Variants in FSTL4 observed in about 807,000 individuals in gnomAD.
FSTL4 encodes follistatin like 4.
In FSTL4, 28 loss-of-function variants were observed where a neutral mutation model predicts 78.2. The ratio of observed to expected loss-of-function variants is 0.36; its 90% CI spans 0.27 to 0.49. FSTL4 has a LOEUF of 0.49. FSTL4 is among the 20% of genes least tolerant of loss of function. The pLI is 0.98. For synonymous variants in FSTL4, 422 were observed against 440.5 expected (o/e 0.96, Z 0.53); for missense variants, 922 against 1,084.9 (o/e 0.85, Z 2.11).
chr5:133,240,534 C>A (rs1027870750), intron 7 of FSTL4, among the ~76,000 whole-genome samples: 10 of 152,126 alleles, frequency 6.6e-5, no homozygotes, highest in Non-Finnish European at 1.0e-4. Context: ...TGAGAGAAGC[C>A]ACTGTGGGGA....
chr5:133,251,160 C>G (rs1259899757), intron 6 of FSTL4, among the ~76,000 whole-genome samples: 2 of 152,220 alleles, frequency 1.3e-5, no homozygotes, highest in Non-Finnish European at 2.9e-5. Flanking sequence ...AGAGAAGGCA[C>G]TAACTCTGTA....
At position 133,517,191 on chromosome 5, in the gene FSTL4, G is replaced by A. The variant is rs143494051; in HGVS notation, c.160+49995C>T. Among the ~76,000 whole-genome samples the A allele has an allele frequency of 4.1e-3, 619 of 151,726 alleles. 4 individuals carry two copies. Among genetic ancestry groups the A allele is most frequent in the African/African-American group, 0.015 (601 of 41,344 alleles). ...TAATCCCAGCACTTTGGGAGGCCAAGGTGGGTGGATCACCTGAGGTCAGGA... is the reference window on the plus strand; with the variant it reads ...TAATCCCAGCACTTTGGGAGGCCAAAGTGGGTGGATCACCTGAGGTCAGGA... On this transcript the variant is annotated intron_variant, in intron 3 of 15. Transcript: ENST00000265342.
chr5:133,799,842 A>G, the FSTL4 span, among the ~76,000 whole-genome samples: 3 of 139,366 alleles, frequency 2.2e-5, 1 homozygote, highest in Non-Finnish European at 3.2e-5. Flanking sequence ...CACAAAAAAC[A>G]TAACAAGGCC....
chr5:133,774,982 C>CA, the FSTL4 span, among the ~76,000 whole-genome samples: 14,645 of 106,724 alleles, frequency 0.14, 1,131 homozygotes, highest in African/African-American at 0.24. Flanking sequence ...TCTAAAATGA[C>CA]AAAAAAAAAA....
chr5:133,779,582 T>C, the FSTL4 span, among the ~76,000 whole-genome samples: 1 of 149,284 alleles, frequency 6.7e-6, no homozygotes, highest in Non-Finnish European at 1.5e-5. Context: ...CAAAACTCCA[T>C]CTCAAAAAAC....
At chr5:133,452,085 T>A (rs541871900) in intron 3 of FSTL4, among the ~76,000 whole-genome samples, 32 of 152,220 alleles carry the variant, frequency 2.1e-4, no homozygotes, top group Middle Eastern at 6.8e-3. Context: ...TGCCGTGGAG[T>A]TCCACACAGC....
In FSTL4 at chr5:133,426,547, C is replaced by T. The variant is rs923119104; in HGVS notation, c.161-25561G>A. On this transcript the variant is annotated intron_variant, in intron 3 of 15. Coordinates refer to ENST00000265342, the MANE Select transcript of FSTL4 (RefSeq NM_015082.2). This position sits in a 1 kb window ranked among gnomAD's most constrained non-coding sequence, Gnocchi z 5.0. ...CGGAGCTCTCATGGCCAATTAGCAG[C>T]AGAGGAAACTGAACTGTACCGTGGG... 2.0e-5 allele frequency among the ~76,000 whole-genome samples: 3 copies of T among 152,146 alleles called. No homozygotes were observed. The highest frequency in any genetic ancestry group is 4.4e-5 in the Non-Finnish European group (3 of 68,020).
chr5:133,769,115 A>G, the FSTL4 span, among the ~76,000 whole-genome samples: 3 of 152,338 alleles, frequency 2.0e-5, no homozygotes, highest in African/African-American at 4.8e-5. Flanking sequence ...AGAGAACCAC[A>G]TGTACCTAAA....
intron 2 of FSTL4, 125 bp downstream of exon 2, chr5:133,603,733 G>A (rs2112979645): frequency 1.8e-6 from 2 of 1,112,598 alleles, no homozygotes; most frequent in East Asian, 2.4e-5. Flanking sequence ...CACCAAAAAG[G>A]AAGTGCAATT....
intron 2 of FSTL4, among the ~76,000 whole-genome samples, chr5:133,580,174 T>C (rs1760370103): frequency 6.6e-6 from 1 of 152,182 alleles, no homozygotes; most frequent in South Asian, 2.1e-4. Context: ...TCTGTCCTCC[T>C]GAGCATCTCC....
At chr5:133,452,390 A>G (rs897862954) in intron 3 of FSTL4, among the ~76,000 whole-genome samples, 5 of 152,278 alleles carry the variant, frequency 3.3e-5, no homozygotes, top group African/African-American at 1.2e-4. Flanking sequence ...GAGGAAAACA[A>G]TGCAGGAATT....
At chr5:133,340,300 A>C (rs932706840) in intron 4 of FSTL4, among the ~76,000 whole-genome samples, 2 of 152,028 alleles carry the variant, frequency 1.3e-5, no homozygotes, top group African/African-American at 4.8e-5. Context: ...TAGTGGTCAG[A>C]TTTTCATCCC....
intron 3 of FSTL4, among the ~76,000 whole-genome samples, chr5:133,532,546 C>T (rs1316948387): frequency 6.6e-6 from 1 of 152,088 alleles, no homozygotes; most frequent in African/African-American, 2.4e-5. Context: ...TAAGAGCTCC[C>T]AAGGAAGACC....
chr5:133,480,965 T>C (rs1179108710), intron 3 of FSTL4, among the ~76,000 whole-genome samples: 1 of 152,192 alleles, frequency 6.6e-6, no homozygotes, highest in East Asian at 1.9e-4. Context: ...GCCCCGTGTG[T>C]GGAGGAAGGC....
chr5:133,443,333 C>A (rs370691739), intron 3 of FSTL4, among the ~76,000 whole-genome samples: 7 of 152,326 alleles, frequency 4.6e-5, no homozygotes, highest in Middle Eastern at 3.4e-3. Flanking sequence ...TAAGGATTCC[C>A]ATCTGGGAAA....
chr5:133,634,392 C>CT, the FSTL4 span, among the ~76,000 whole-genome samples: 168 of 112,994 alleles, frequency 1.5e-3, 2 homozygotes, highest in African/African-American at 3.3e-3. Flanking sequence ...CTCTCTCTCT[C>CT]TTTTTTTTTT....
intron 11 of FSTL4, among the ~76,000 whole-genome samples, chr5:133,221,858 C>T (rs1264875641): frequency 8.7e-6 from 1 of 115,178 alleles, no homozygotes; most frequent in Admixed American, 1.1e-4. Context: ...TCTGTAAATT[C>T]TAGGGTAAAT....
the FSTL4 span, among the ~76,000 whole-genome samples, chr5:133,667,444 T>A: frequency 6.6e-6 from 1 of 152,030 alleles, no homozygotes; most frequent in African/African-American, 2.4e-5. Context: ...ATGCTGTAAA[T>A]CCTTTGTGGC....
chr5:133,726,863 G>A, the FSTL4 span, among the ~76,000 whole-genome samples: 2 of 152,090 alleles, frequency 1.3e-5, no homozygotes, highest in African/African-American at 4.8e-5. Flanking sequence ...ATTAAGATAG[G>A]CATATCGCCA....
Sources: gnomAD v4.1 joint callset for allele counts (sites outside exome capture counted in the v4.1 genomes callset) on GRCh38, gnomAD v4.1.1 for gene constraint, Gnocchi (gnomAD v3.1) non-coding constraint, MANE v1.5 for transcripts, NCBI Gene and HGNC (gene_info 2026-07-23, HGNC 2026-07-21) for gene names.